The following ATP8B4 variants were observed in gnomAD, a reference collection of about 807,000 sequenced individuals.
ATP8B4 encodes the protein ATPase phospholipid transporting 8B4 (putative), also known as probable phospholipid-transporting ATPase IM.
A neutral mutation model predicts 145.6 loss-of-function variants in ATP8B4; 133 were observed. The ratio of observed to expected loss-of-function variants is 0.91; its 90% CI spans 0.79 to 1.05. The LOEUF (loss-of-function observed/expected upper bound fraction) is 1.05, where lower values mean the gene tolerates loss of function less well. ATP8B4 is among the 50% of genes least tolerant of loss of function. The pLI, the probability that ATP8B4 is intolerant of heterozygous loss-of-function variation, is 0.00. For missense variants in ATP8B4, 1,458 were observed against 1,425.2 expected (o/e 1.02, Z -0.37); for synonymous variants, 507 against 492.9 (o/e 1.03, Z -0.38).
chr15:49,915,839 T>G (rs1428210185), intron 20 of ATP8B4, among the ~76,000 whole-genome samples: 2 of 151,854 alleles, frequency 1.3e-5, no homozygotes, highest in South Asian at 2.1e-4. Context: ...AGCAGGTTTT[T>G]TTTTTTTTTT....
At chr15:50,029,246 A>AAAAAC (rs1555461388) in intron 6 of ATP8B4, among the ~76,000 whole-genome samples, 2 of 149,292 alleles carry the variant, frequency 1.3e-5, no homozygotes, top group South Asian at 2.1e-4. Context: ...CTTAAAAAAA[A>AAAAAC]AAAAAAAAAA....
chr15:50,138,032 C>A (rs117254421), intron 1 of ATP8B4, among the ~76,000 whole-genome samples: 30 of 152,306 alleles, frequency 2.0e-4, no homozygotes, highest in Non-Finnish European at 4.3e-4. Context: ...TCGCTCTAGC[C>A]ACTGGATGAG....
intron 6 of ATP8B4, among the ~76,000 whole-genome samples, chr15:50,016,563 A>G (rs542077999): frequency 6.6e-5 from 10 of 152,318 alleles, no homozygotes; most frequent in South Asian, 4.1e-4. Flanking sequence ...TGTAGCCACA[A>G]TGAAAGCCAC....
intron 1 of ATP8B4, among the ~76,000 whole-genome samples, chr15:50,126,503 G>T (rs1034977188): frequency 6.6e-6 from 1 of 152,140 alleles, no homozygotes; most frequent in South Asian, 2.1e-4. Context: ...GTGGAGGTCC[G>T]AGTTTCTGAA....
At chr15:49,994,931 T>A (rs541508616) in intron 9 of ATP8B4, among the ~76,000 whole-genome samples, 1 of 152,124 alleles carries the variant, frequency 6.6e-6, no homozygotes. Context: ...AACCATTGTG[T>A]CTCTTTCATC....
chr15:50,165,642 T>TC (rs1228729680), intron 1 of ATP8B4, among the ~76,000 whole-genome samples: 2 of 151,224 alleles, frequency 1.3e-5, no homozygotes, highest in Admixed American at 6.6e-5. Flanking sequence ...AAAAGGGGGG[T>TC]CATATGGAAA....
chr15:50,074,024 A>G (rs1161743020), intron 3 of ATP8B4, 103 bp downstream of exon 3: 2 of 940,594 alleles, frequency 2.1e-6, no homozygotes, highest in East Asian at 5.1e-5. Flanking sequence ...TGGGCCAATG[A>G]AGAAAGTTTT....
chr15:50,034,488 C>G (rs2050689136), intron 6 of ATP8B4, among the ~76,000 whole-genome samples: 1 of 152,144 alleles, frequency 6.6e-6, no homozygotes, highest in Non-Finnish European at 1.5e-5. Flanking sequence ...CTCAGCCTCC[C>G]AAAGTGCTGG....
At chr15:49,876,661 T>G (rs765085534) in intron 24 of ATP8B4, 138 bp from the exon 25 acceptor site, 1 of 1,191,254 alleles carries the variant, frequency 8.4e-7, no homozygotes, top group South Asian at 1.3e-5. Flanking sequence ...AACAGGACAT[T>G]ATCTTGTTTG....
In ATP8B4 at chr15:49,996,739, C is replaced by G; in HGVS notation, c.527G>C (p.Arg176Pro). ...TTCTGAAGTAACTGATAGTGCATGG[C>G]GGACTTTTAGGTTCGTTTCCCTGTG... ...ELDGETNLKV[R>P]HALSVTSELG... Residue 176 changes from arginine to proline, a missense_variant, in exon 9 of 28, where the codon CGC becomes CCC. Transcript: ENST00000284509. 1 of 1,610,072 alleles carries G rather than the reference C, an allele frequency of 6.2e-7. No homozygotes were observed. Among genetic ancestry groups the G allele is most frequent in the Non-Finnish European group, 8.5e-7 (1 of 1,177,248 alleles).
intron 13 of ATP8B4, among the ~76,000 whole-genome samples, chr15:49,963,684 C>T (rs1275226047): frequency 6.6e-6 from 1 of 152,132 alleles, no homozygotes; most frequent in African/African-American, 2.4e-5. Flanking sequence ...TGCATGTTCT[C>T]ACTTATAAGT....
At chr15:50,114,118 T>TTTTTTTTTTTTTTTTTTTTTTTTTTC (rs2057086177) in intron 1 of ATP8B4, among the ~76,000 whole-genome samples, 1 of 141,716 alleles carries the variant, frequency 7.1e-6, no homozygotes, top group Non-Finnish European at 1.5e-5. Context: ...TTTTTTTTTT[T>TTTTTTTTTTTTTTTTTTTTTTTTTTC]TTTTTTTTTT....
At chr15:50,097,743 C>A (rs916968348) in intron 2 of ATP8B4, among the ~76,000 whole-genome samples, 1 of 152,066 alleles carries the variant, frequency 6.6e-6, no homozygotes, top group African/African-American at 2.4e-5. Flanking sequence ...TCATGTCAGC[C>A]ATAAAACTGG....
At chr15:49,909,135 G>A (rs903849408) in intron 20 of ATP8B4, among the ~76,000 whole-genome samples, 8 of 152,000 alleles carry the variant, frequency 5.3e-5, no homozygotes, top group East Asian at 1.9e-4. Context: ...GGCTTTGACC[G>A]CACTCCATAC....
chr15:50,061,094 C>T (rs2052982173), intron 3 of ATP8B4, among the ~76,000 whole-genome samples: 1 of 152,016 alleles, frequency 6.6e-6, no homozygotes, highest in Non-Finnish European at 1.5e-5. Flanking sequence ...ATGCCTTACT[C>T]CGAGATTTAG....
intron 3 of ATP8B4, among the ~76,000 whole-genome samples, chr15:50,064,643 C>T (rs190162865): frequency 1.3e-5 from 2 of 152,242 alleles, no homozygotes. Flanking sequence ...AAATTGTATA[C>T]TTGATGTATT....
At chr15:50,048,105 G>C (rs893055882) in intron 3 of ATP8B4, among the ~76,000 whole-genome samples, 8 of 152,048 alleles carry the variant, frequency 5.3e-5, no homozygotes, top group Non-Finnish European at 1.2e-4. Context: ...TGTCACTGAG[G>C]TTTGGTGTAT....
At chr15:50,011,236 A>G (rs1021938143) in intron 6 of ATP8B4, among the ~76,000 whole-genome samples, 1 of 152,216 alleles carries the variant, frequency 6.6e-6, no homozygotes, top group Admixed American at 6.5e-5. Context: ...AGTCACTGAC[A>G]TTCTTTTCCA....
chr15:50,032,285 T>C (rs2050507627), intron 6 of ATP8B4, among the ~76,000 whole-genome samples: 1 of 152,130 alleles, frequency 6.6e-6, no homozygotes, highest in African/African-American at 2.4e-5. Context: ...ACATGTGGTA[T>C]TTGGTTTTCT....
Sources: gnomAD v4.1 joint callset for allele counts (sites outside exome capture counted in the v4.1 genomes callset) on GRCh38, gnomAD v4.1.1 for gene constraint, MANE v1.5 for transcripts, NCBI Gene and HGNC (gene_info 2026-07-23, HGNC 2026-07-21) for gene names.